Variants in NRXN3 observed in about 807,000 individuals in gnomAD.
The protein encoded by NRXN3 is neurexin 3, also known as neurexin III.
NRXN3 carries 32 observed loss-of-function variants against 137.6 expected under a neutral mutation model. The observed-to-expected ratio is 0.23, with a 90% CI of 0.18 to 0.31. NRXN3 has a LOEUF of 0.31. NRXN3 is among the 10% of genes least tolerant of loss of function. NRXN3 has a pLI of 1.00. For missense variants in NRXN3, 1,574 were observed against 2,062.5 expected (o/e 0.76, Z 4.59); for synonymous variants, 798 against 784.5 (o/e 1.02, Z -0.29).
At chr14:79,200,597 C>T (rs1339221020) in intron 15 of NRXN3, among the ~76,000 whole-genome samples, 2 of 152,136 alleles carry the variant, frequency 1.3e-5, no homozygotes, top group African/African-American at 4.8e-5. Flanking sequence ...CGTAGAAACA[C>T]ATCTCTGGGA....
intron 15 of NRXN3, among the ~76,000 whole-genome samples, chr14:79,411,189 A>T (rs1043171095): frequency 2.6e-5 from 4 of 152,184 alleles, no homozygotes; most frequent in African/African-American, 9.6e-5. Flanking sequence ...TATAAACTCA[A>T]GATGGCTGGT....
intron 15 of NRXN3, among the ~76,000 whole-genome samples, chr14:79,044,216 A>G (rs77188760): frequency 0.016 from 2,493 of 152,276 alleles, 54 homozygotes; most frequent in African/African-American, 0.056. Flanking sequence ...TTTTGAGAAA[A>G]CACGTTGCAT....
At chr14:78,723,500 G>T (rs764145314) in intron 8 of NRXN3, among the ~76,000 whole-genome samples, 1 of 152,164 alleles carries the variant, frequency 6.6e-6, no homozygotes, top group Admixed American at 6.5e-5. Flanking sequence ...TAGGAGGAGT[G>T]GGGAGGACTG....
intron 16 of NRXN3, among the ~76,000 whole-genome samples, chr14:79,577,641 C>A (rs965576430): frequency 3.3e-5 from 5 of 152,128 alleles, no homozygotes; most frequent in Non-Finnish European, 7.4e-5. Context: ...AACTTTCTGC[C>A]TCATTGGACA....
chr14:78,226,225 G>A (rs138556973), intron 1 of NRXN3, among the ~76,000 whole-genome samples: 1 of 152,048 alleles, frequency 6.6e-6, no homozygotes, highest in Non-Finnish European at 1.5e-5. Flanking sequence ...GGATGATCTC[G>A]ATCTTCTGAC....
At chr14:78,784,219 T>G (rs2098781127) in intron 8 of NRXN3, among the ~76,000 whole-genome samples, 1 of 152,170 alleles carries the variant, frequency 6.6e-6, no homozygotes, top group Admixed American at 6.6e-5. Flanking sequence ...CTATTTGGGC[T>G]AGGGCCTGAA....
chr14:79,178,020 G>A (rs2062524297), intron 15 of NRXN3, among the ~76,000 whole-genome samples: 1 of 152,150 alleles, frequency 6.6e-6, no homozygotes, highest in African/African-American at 2.4e-5. Flanking sequence ...TGCCATCAAG[G>A]CCAGTAATAG....
chr14:79,629,231 G>A (rs891588740), intron 16 of NRXN3, among the ~76,000 whole-genome samples: 6 of 152,002 alleles, frequency 3.9e-5, no homozygotes, highest in African/African-American at 1.5e-4. Flanking sequence ...TGGGGTTGGG[G>A]TAAAAGAGGG....
intron 14 of NRXN3, among the ~76,000 whole-genome samples, chr14:78,983,529 A>G (rs2099494891): frequency 6.6e-6 from 1 of 152,134 alleles, no homozygotes; most frequent in South Asian, 2.1e-4. Context: ...ATTTTAGATA[A>G]TAGTCCCTTA....
At chr14:78,334,431 T>C (rs1281051585) in intron 4 of NRXN3, among the ~76,000 whole-genome samples, 1 of 152,124 alleles carries the variant, frequency 6.6e-6, no homozygotes, top group East Asian at 1.9e-4. Context: ...CTTCTCCATC[T>C]ATCTGAGGTT....
intron 4 of NRXN3, among the ~76,000 whole-genome samples, chr14:78,386,367 G>A (rs891461809): frequency 5.3e-5 from 8 of 152,178 alleles, no homozygotes; most frequent in African/African-American, 1.9e-4. Flanking sequence ...CTAGCACCAG[G>A]TAGTCAGAGG....
At chr14:78,270,069 G>T (rs898499656) in intron 2 of NRXN3, among the ~76,000 whole-genome samples, 3 of 152,168 alleles carry the variant, frequency 2.0e-5, no homozygotes, top group African/African-American at 7.2e-5. Flanking sequence ...CCATTTTACA[G>T]ATGGGGAGGT....
At chr14:78,909,416 G>A (rs956716700) in intron 10 of NRXN3, among the ~76,000 whole-genome samples, 4 of 152,134 alleles carry the variant, frequency 2.6e-5, no homozygotes, top group African/African-American at 7.2e-5. Flanking sequence ...TGCTAATTTA[G>A]TACAGTGTTT....
At chr14:78,837,903 G>C (rs998286588) in intron 10 of NRXN3, among the ~76,000 whole-genome samples, 7 of 152,076 alleles carry the variant, frequency 4.6e-5, no homozygotes, top group Admixed American at 6.6e-5. Context: ...TTTTCAAGTT[G>C]ATCTCTTGGA....
At chr14:78,969,814 A>AGTGTGTGTGT (rs376306137) in intron 14 of NRXN3, among the ~76,000 whole-genome samples, 172 of 141,498 alleles carry the variant, frequency 1.2e-3, no homozygotes, top group East Asian at 2.8e-3. Context: ...TGTACTATGT[A>AGTGTGTGTGT]GTGTGTGTGT....
intron 16 of NRXN3, among the ~76,000 whole-genome samples, chr14:79,650,399 C>T (rs2098470340): frequency 1.3e-5 from 2 of 152,082 alleles, no homozygotes; most frequent in Non-Finnish European, 2.9e-5. Flanking sequence ...TCCCCATCAG[C>T]GATCTATATT....
chr14:79,007,348 G>A (rs1237945232), intron 15 of NRXN3, among the ~76,000 whole-genome samples: 2 of 151,796 alleles, frequency 1.3e-5, no homozygotes, highest in East Asian at 1.9e-4. Context: ...GAGGGTTGTC[G>A]TTTCTGTCAA....
intron 15 of NRXN3, among the ~76,000 whole-genome samples, chr14:79,251,312 CTG>C (rs1158669639): frequency 6.6e-6 from 1 of 152,090 alleles, no homozygotes; most frequent in East Asian, 1.9e-4. Flanking sequence ...GAACAGCACT[CTG>C]AGAATGGGAA....
At chr14:79,549,670 C>G (rs2097354882) in intron 16 of NRXN3, among the ~76,000 whole-genome samples, 1 of 152,116 alleles carries the variant, frequency 6.6e-6, no homozygotes, top group Non-Finnish European at 1.5e-5. Flanking sequence ...CAGCCACATT[C>G]ACCATTAGAC....
Sources: allele counts gnomAD v4.1 joint callset (sites outside exome capture counted in the v4.1 genomes callset), GRCh38; gene constraint gnomAD v4.1.1; transcripts MANE v1.5; gene names NCBI Gene and HGNC (gene_info 2026-07-23, HGNC 2026-07-21).